The following MYL4 variants were observed in gnomAD, a reference collection of about 807,000 sequenced individuals.
MYL4 encodes atrial myosin light chain 1.
Under a neutral mutation model 21.6 loss-of-function variants are expected in MYL4, and 16 were observed. The observed-to-expected ratio is 0.74, with a 90% CI of 0.50 to 1.12. The LOEUF is 1.12. MYL4 is among the 50% of genes most tolerant of loss of function. The pLI, the probability that MYL4 is intolerant of heterozygous loss-of-function variation, is 0.00. For missense variants in MYL4, 249 were observed against 252.9 expected, an observed-to-expected ratio of 0.98 and a Z score of 0.11; for synonymous variants, 82 against 95.7, an observed-to-expected ratio of 0.86 and a Z score of 0.83.
chr17:47,192,130 G>A, the MYL4 span, among the ~76,000 whole-genome samples: 1 of 151,440 alleles, frequency 6.6e-6, no homozygotes, highest in Non-Finnish European at 1.5e-5. Context: ...CAATGCAGAC[G>A]GATCACCTGA....
upstream of MYL4, among the ~76,000 whole-genome samples, chr17:47,198,038 C>T (rs2064695836): frequency 6.6e-6 from 1 of 152,104 alleles, no homozygotes; most frequent in Non-Finnish European, 1.5e-5. Context: ...AGAGTGACCT[C>T]ATGAGACCAG....
chr17:47,195,251 C>G, the MYL4 span, among the ~76,000 whole-genome samples: 94 of 143,042 alleles, frequency 6.6e-4, no homozygotes, highest in African/African-American at 2.4e-3. Flanking sequence ...TTTTTTGAGA[C>G]GGGGTTTTGC....
intron 2 of MYL4, among the ~76,000 whole-genome samples, chr17:47,216,375 C>T (rs902638087): frequency 6.7e-6 from 1 of 150,014 alleles, no homozygotes; most frequent in African/African-American, 2.5e-5. Context: ...GCATACCAGG[C>T]TTCCCAGCAG....
At chr17:47,194,565 C>A in the MYL4 span, among the ~76,000 whole-genome samples, 2 of 152,128 alleles carry the variant, frequency 1.3e-5, no homozygotes, top group Non-Finnish European at 2.9e-5. Flanking sequence ...GCCAATTTTA[C>A]CTCCTAAATA....
chr17:47,198,481 C>T (rs1162202330), upstream of MYL4, among the ~76,000 whole-genome samples: 1 of 152,088 alleles, frequency 6.6e-6, no homozygotes, highest in Non-Finnish European at 1.5e-5. Context: ...TAACTAGGCT[C>T]TAAGCAGCCT....
the MYL4 span, among the ~76,000 whole-genome samples, chr17:47,191,305 A>G: frequency 1.3e-5 from 2 of 152,216 alleles, no homozygotes; most frequent in African/African-American, 2.4e-5. Context: ...ATGAGATGAG[A>G]GTATCTAAGA....
intron 2 of MYL4, among the ~76,000 whole-genome samples, chr17:47,214,792 C>T (rs766755459): frequency 1.3e-5 from 2 of 152,030 alleles, no homozygotes; most frequent in African/African-American, 2.4e-5. Flanking sequence ...CAAATCAAGC[C>T]GTGTGATACA....
chr17:47,192,582 G>A, the MYL4 span, among the ~76,000 whole-genome samples: 3 of 151,776 alleles, frequency 2.0e-5, no homozygotes, highest in South Asian at 4.2e-4. Flanking sequence ...TCTGGGAGGC[G>A]GAGCTTGCGG....
rs193001788 is a variant in MYL4, at chr17:47,220,921, C to A, written c.314-761C>A. On this transcript the variant is annotated intron_variant, in intron 3 of 6. Coordinates refer to ENST00000393450, the MANE Select transcript of MYL4 (RefSeq NM_002476.2). ...GGCCCCATAGTGGTTTCCTCCCCAT[C>A]CCTTGGTTCTGGCCCGTCCCCCTTC... Among the ~76,000 whole-genome samples the A allele has an allele frequency of 2.4e-3, 372 of 152,260 alleles. 2 individuals are homozygous for A. The highest frequency in any genetic ancestry group is 8.7e-3 in the African/African-American group (363 of 41,546).
downstream of MYL4, among the ~76,000 whole-genome samples, chr17:47,224,595 A>G (rs1242198552): frequency 6.6e-6 from 1 of 152,044 alleles, no homozygotes; most frequent in Non-Finnish European, 1.5e-5. Flanking sequence ...GAATTTGACC[A>G]CCCTGGATAA....
At chr17:47,192,431 C>T in the MYL4 span, among the ~76,000 whole-genome samples, 1 of 151,710 alleles carries the variant, frequency 6.6e-6, no homozygotes, top group Non-Finnish European at 1.5e-5. Flanking sequence ...GGGCAGATCA[C>T]AAGGTCAGGA....
chr17:47,209,178 A>G, upstream of MYL4: 2 of 628,104 alleles, frequency 3.2e-6, no homozygotes, highest in East Asian at 2.7e-5. Context: ...CTGTGGCATG[A>G]AGGGGAGGGG....
chr17:47,205,142 A>T (rs2064722768), upstream of MYL4, among the ~76,000 whole-genome samples: 1 of 152,198 alleles, frequency 6.6e-6, no homozygotes, highest in Admixed American at 6.5e-5. Context: ...TCCGAATTTG[A>T]CATCTGATGT....
intron 1 of MYL4, among the ~76,000 whole-genome samples, chr17:47,201,364 G>A (rs186360454): frequency 2.0e-5 from 3 of 152,040 alleles, no homozygotes; most frequent in African/African-American, 7.2e-5. Flanking sequence ...CTTATATACA[G>A]AGGATTGGGT....
upstream of MYL4, among the ~76,000 whole-genome samples, chr17:47,196,576 T>C (rs987907828): frequency 6.6e-6 from 1 of 152,210 alleles, no homozygotes; most frequent in South Asian, 2.1e-4. Flanking sequence ...TTTCTACATA[T>C]TATTCTTTCT....
At chr17:47,198,144 T>A (rs1310816135), upstream of MYL4, among the ~76,000 whole-genome samples, 2 of 151,932 alleles carry the variant, frequency 1.3e-5, no homozygotes, top group African/African-American at 2.4e-5. Flanking sequence ...TGCCAGGGAG[T>A]CTGGGCAACT....
chr17:47,195,153 G>A, the MYL4 span, among the ~76,000 whole-genome samples: 1 of 148,204 alleles, frequency 6.7e-6, no homozygotes, highest in Non-Finnish European at 1.5e-5. Flanking sequence ...CTGCCTCCCG[G>A]GTTCAAGCAA....
the MYL4 span, among the ~76,000 whole-genome samples, chr17:47,192,801 C>G: frequency 2.2e-4 from 33 of 152,160 alleles, no homozygotes; most frequent in African/African-American, 7.7e-4. Context: ...TCCTAATTGA[C>G]CTACTTAAAC....
At position 47,222,704 on chromosome 17, in the gene MYL4, C is replaced by T. The variant is rs1178348286; in HGVS notation, c.565+247C>T. Among the ~76,000 whole-genome samples the T allele has an allele frequency of 3.9e-5, 6 of 152,092 alleles. No homozygotes were observed. In the East Asian group the frequency reaches 1.2e-3, roughly 29 times the overall value. The stretch of plus-strand genomic sequence containing the variant: ...ATTAAGTCACTGATTTTCTCTGAGC[C>T]TCAGTTTTCTCATCTGAGGGATGGG... On this transcript the variant is annotated intron_variant, in intron 5 of 6. Transcript: ENST00000393450.
Sources: gnomAD v4.1 joint callset for allele counts (sites outside exome capture counted in the v4.1 genomes callset) on GRCh38, gnomAD v4.1.1 for gene constraint, MANE v1.5 for transcripts, NCBI Gene and HGNC (gene_info 2026-07-23, HGNC 2026-07-21) for gene names.